Variants in DOCK3 observed in about 807,000 individuals in gnomAD.
DOCK3 encodes the protein dedicator of cytokinesis protein 3.
In DOCK3, 60 loss-of-function variants were observed where a neutral mutation model predicts 265.6. The observed-to-expected ratio is 0.23, with a 90% CI of 0.18 to 0.28. The LOEUF (loss-of-function observed/expected upper bound fraction) is 0.28. Ranked by LOEUF, DOCK3 falls within the 10% of genes least tolerant of loss-of-function variation. DOCK3 has a pLI of 1.00. For synonymous variants in DOCK3, 881 were observed against 938.0 expected, an observed-to-expected ratio of 0.94 and a Z score of 1.11; for missense variants, 1,981 against 2,594.3, an observed-to-expected ratio of 0.76 and a Z score of 5.14.
intron 12 of DOCK3, among the ~76,000 whole-genome samples, chr3:51,170,776 C>G (rs149334984): frequency 7.0e-4 from 106 of 152,066 alleles, no homozygotes; most frequent in African/African-American, 2.4e-3. Context: ...AACCCCATCT[C>G]TACTAAAAAT....
At chr3:51,362,846 T>C (rs374826632) in intron 49 of DOCK3, among the ~76,000 whole-genome samples, 172 bp downstream of exon 49, 16 of 152,358 alleles carry the variant, frequency 1.1e-4, no homozygotes, top group East Asian at 7.7e-4. Context: ...GCCTCTTCCC[T>C]GGCTGGCTTC....
At chr3:51,280,248 C>T (rs2081040665) in intron 27 of DOCK3, 44 bp downstream of exon 27, 1 of 1,555,768 alleles carries the variant, frequency 6.4e-7, no homozygotes, top group African/African-American at 1.4e-5. Context: ...AAGTGTGCAG[C>T]CAGCACTCCC....
At chr3:50,898,357 A>G (rs911830818) in intron 4 of DOCK3, among the ~76,000 whole-genome samples, 6 of 151,178 alleles carry the variant, frequency 4.0e-5, no homozygotes, top group Admixed American at 3.3e-4. Context: ...GGTCTATTGG[A>G]TTCTTCTCTC....
intron 27 of DOCK3, among the ~76,000 whole-genome samples, chr3:51,282,745 A>G (rs1170743662): frequency 1.3e-5 from 2 of 152,068 alleles, no homozygotes; most frequent in Non-Finnish European, 2.9e-5. Context: ...GGTGAATTCT[A>G]CCAAATTTTT....
intron 3 of DOCK3, chr3:50,880,510 T>C: frequency 5.1e-6 from 1 of 194,754 alleles, no homozygotes; most frequent in Non-Finnish European, 1.1e-5. Context: ...TCTACGCAAA[T>C]GAGCTAGAAA....
intron 1 of DOCK3, among the ~76,000 whole-genome samples, chr3:50,749,846 G>A (rs1171091455): frequency 2.6e-5 from 4 of 152,154 alleles, no homozygotes; most frequent in East Asian, 3.9e-4. Context: ...TTTTCTTTGG[G>A]GTATAGCCTA....
chr3:51,082,934 G>A (rs1197649859), intron 7 of DOCK3, among the ~76,000 whole-genome samples: 1 of 152,114 alleles, frequency 6.6e-6, no homozygotes, highest in Non-Finnish European at 1.5e-5. Flanking sequence ...CTGAGAGGTG[G>A]CACACCACTG....
intron 1 of DOCK3, among the ~76,000 whole-genome samples, chr3:50,719,159 C>T (rs1309535013): frequency 5.4e-5 from 8 of 149,156 alleles, no homozygotes; most frequent in Admixed American, 3.4e-4. Flanking sequence ...CTTGTATTCT[C>T]TTTTTTTTTA....
At chr3:51,146,491 T>C in intron 9 of DOCK3, 58 bp from the exon 10 acceptor site, 1 of 1,523,768 alleles carries the variant, frequency 6.6e-7, no homozygotes, top group Admixed American at 2.0e-5. Flanking sequence ...CTGCCCTTTT[T>C]CTTTGTTCTG....
intron 38 of DOCK3, among the ~76,000 whole-genome samples, chr3:51,342,578 C>T (rs192115304): frequency 2.0e-4 from 30 of 152,324 alleles, no homozygotes; most frequent in African/African-American, 5.8e-4. Flanking sequence ...GGTGTGAGTA[C>T]GCATGTGTGC....
At chr3:50,834,536 G>T (rs1022798983) in intron 2 of DOCK3, among the ~76,000 whole-genome samples, 4 of 152,062 alleles carry the variant, frequency 2.6e-5, no homozygotes, top group African/African-American at 9.7e-5. Context: ...AGTGCTTCCC[G>T]TATGATTTGT....
intron 4 of DOCK3, among the ~76,000 whole-genome samples, chr3:50,919,868 A>C (rs1391081991): frequency 6.6e-6 from 1 of 152,198 alleles, no homozygotes; most frequent in Middle Eastern, 3.2e-3. Flanking sequence ...CCCATTCAGT[A>C]AGATATTGGC....
chr3:50,780,220 A>G (rs2108523371), intron 2 of DOCK3, among the ~76,000 whole-genome samples: 1 of 152,354 alleles, frequency 6.6e-6, no homozygotes, highest in East Asian at 1.9e-4. Flanking sequence ...AATGATAGCT[A>G]CTAAAATACC....
chr3:51,083,585 T>C (rs1002524346), intron 7 of DOCK3, among the ~76,000 whole-genome samples: 1 of 152,212 alleles, frequency 6.6e-6, no homozygotes, highest in East Asian at 1.9e-4. Context: ...CAAAGAGATA[T>C]GCATCATAGA....
At chr3:51,077,595 C>T (rs920041826) in intron 7 of DOCK3, among the ~76,000 whole-genome samples, 6 of 152,074 alleles carry the variant, frequency 3.9e-5, no homozygotes, top group African/African-American at 1.4e-4. Flanking sequence ...ATTAAATTGC[C>T]ATGTGTGTAT....
chr3:50,921,722 A>G (rs2050479754), intron 4 of DOCK3, among the ~76,000 whole-genome samples: 1 of 152,076 alleles, frequency 6.6e-6, no homozygotes, highest in South Asian at 2.1e-4. Flanking sequence ...GGTGACATAC[A>G]GCTGGAGTTT....
intron 7 of DOCK3, among the ~76,000 whole-genome samples, chr3:51,086,279 AG>A (rs2082422431): frequency 6.6e-6 from 1 of 152,210 alleles, no homozygotes; most frequent in African/African-American, 2.4e-5. Context: ...AACGCCTTTA[AG>A]TGGTTTTCCA....
intron 2 of DOCK3, among the ~76,000 whole-genome samples, chr3:50,782,459 T>G (rs1209036112): frequency 1.3e-5 from 2 of 150,854 alleles, no homozygotes; most frequent in African/African-American, 4.9e-5. Flanking sequence ...CCCGGCTAAT[T>G]TTTTGTATTT....
At chr3:51,096,510 T>A (rs1003115570) in intron 9 of DOCK3, among the ~76,000 whole-genome samples, 1 of 152,228 alleles carries the variant, frequency 6.6e-6, no homozygotes, top group African/African-American at 2.4e-5. Context: ...TTTATGTTCT[T>A]CTCTAAACTG....
Sources: allele counts gnomAD v4.1 joint callset (sites outside exome capture counted in the v4.1 genomes callset), GRCh38; gene constraint gnomAD v4.1.1; transcripts MANE v1.5; gene names NCBI Gene and HGNC (gene_info 2026-07-23, HGNC 2026-07-21).